Variants in KCNT2 observed in about 807,000 individuals in gnomAD.
KCNT2 encodes potassium sodium-activated channel subfamily T member 2.
In KCNT2, 67 loss-of-function variants were observed where a neutral mutation model predicts 153.8. The observed-to-expected ratio is 0.44, with a 90% CI of 0.36 to 0.53. The LOEUF is 0.53. Among genes scored for constraint, KCNT2 ranks in the 20% least tolerant of loss-of-function variants. The pLI, the probability that KCNT2 is intolerant of heterozygous loss-of-function variation, is 0.00. For synonymous variants in KCNT2, 500 were observed against 458.8 expected (o/e 1.09, Z -1.15); for missense variants, 975 against 1,354.8 (o/e 0.72, Z 4.40).
rs532845595 is a variant in KCNT2, at chr1:196,350,229, A to G, written c.1404-8001T>C. Among the ~76,000 whole-genome samples the G allele has an allele frequency of 5.1e-3, 769 of 152,246 alleles. 5 individuals carry two copies. The highest frequency in any genetic ancestry group is 0.016 in the African/African-American group (672 of 41,556). On this transcript the variant is annotated intron_variant, in intron 14 of 27. Coordinates refer to ENST00000294725, the MANE Select transcript of KCNT2 (RefSeq NM_198503.5). Reference sequence around the variant, plus strand: ...TCCTTTGGGTATATACCCAGTAATGAGATGGCTGGGTCAAACGGTATTTCT... The same window carrying G: ...TCCTTTGGGTATATACCCAGTAATGGGATGGCTGGGTCAAACGGTATTTCT...
chr1:196,276,759 T>C (rs1658607923), intron 25 of KCNT2, among the ~76,000 whole-genome samples: 1 of 152,126 alleles, frequency 6.6e-6, no homozygotes, highest in Non-Finnish European at 1.5e-5. Flanking sequence ...AAAAATCTAA[T>C]TTGAAAATAA....
intron 1 of KCNT2, among the ~76,000 whole-genome samples, chr1:196,559,388 C>T (rs1659088635): frequency 6.6e-6 from 1 of 151,642 alleles, no homozygotes; most frequent in Non-Finnish European, 1.5e-5. Context: ...TAGGCCATTC[C>T]TCCAATTTTG....
intron 1 of KCNT2, among the ~76,000 whole-genome samples, chr1:196,544,088 C>G (rs1162983421): frequency 3.3e-5 from 5 of 152,218 alleles, no homozygotes; most frequent in African/African-American, 1.2e-4. Context: ...ACAGCAACAA[C>G]TGAAGTAACT....
chr1:196,361,167 G>C (rs865959899), intron 14 of KCNT2, among the ~76,000 whole-genome samples: 25 of 151,830 alleles, frequency 1.6e-4, no homozygotes, highest in African/African-American at 6.0e-4. Context: ...AGCCAGATAA[G>C]AATCACCACA....
At chr1:196,565,222 G>A (rs1366669384) in intron 1 of KCNT2, among the ~76,000 whole-genome samples, 1 of 151,450 alleles carries the variant, frequency 6.6e-6, no homozygotes, top group Non-Finnish European at 1.5e-5. Flanking sequence ...TTAGAGAAAT[G>A]CAAATTAAAA....
At chr1:196,480,225 T>C (rs1265454209) in intron 4 of KCNT2, among the ~76,000 whole-genome samples, 2 of 152,138 alleles carry the variant, frequency 1.3e-5, no homozygotes, top group Non-Finnish European at 2.9e-5. Context: ...GGTAAATATA[T>C]ATGTTTATAG....
At chr1:196,231,467 C>T (rs192159651) in intron 27 of KCNT2, among the ~76,000 whole-genome samples, 18 of 151,280 alleles carry the variant, frequency 1.2e-4, no homozygotes, top group East Asian at 5.8e-4. Context: ...GACTCCTGTC[C>T]GGCAGAAGAT....
intron 8 of KCNT2, among the ~76,000 whole-genome samples, chr1:196,451,963 TTA>T: frequency 6.6e-6 from 1 of 152,034 alleles, no homozygotes; most frequent in South Asian, 2.1e-4. Context: ...CTCAGATAAT[TTA>T]GTTCTTTTTT....
At chr1:196,514,771 CT>C (rs1161170000) in intron 1 of KCNT2, among the ~76,000 whole-genome samples, 1 of 152,008 alleles carries the variant, frequency 6.6e-6, no homozygotes, top group Non-Finnish European at 1.5e-5. Context: ...TTTTTTGATG[CT>C]TTTCATATAC....
chr1:196,470,849 C>A (rs1678029737), intron 5 of KCNT2, among the ~76,000 whole-genome samples: 1 of 148,512 alleles, frequency 6.7e-6, no homozygotes, highest in Admixed American at 6.8e-5. Flanking sequence ...TAAATTTTTG[C>A]ATATATTGAC....
chr1:196,537,777 C>G (rs1655780027), intron 1 of KCNT2, among the ~76,000 whole-genome samples: 1 of 152,226 alleles, frequency 6.6e-6, no homozygotes, highest in Admixed American at 6.5e-5. Context: ...TTGATTGTCT[C>G]TCAGTCCGAA....
chr1:196,397,583 A>G (rs970793702), intron 13 of KCNT2, among the ~76,000 whole-genome samples: 2 of 151,468 alleles, frequency 1.3e-5, no homozygotes, highest in South Asian at 4.1e-4. Flanking sequence ...GTTGGAAGCT[A>G]TTACTTTAAA....
At chr1:196,490,548 C>T (rs773470714) in intron 2 of KCNT2, among the ~76,000 whole-genome samples, 7 of 149,206 alleles carry the variant, frequency 4.7e-5, no homozygotes, top group Admixed American at 6.7e-5. Context: ...AACACACACA[C>T]GATCAATCTC....
chr1:196,333,398 T>C (rs1367934592), intron 17 of KCNT2, among the ~76,000 whole-genome samples: 1 of 152,156 alleles, frequency 6.6e-6, no homozygotes, highest in Non-Finnish European at 1.5e-5. Context: ...ATGAAAGTGC[T>C]GAACACTGAG....
intron 22 of KCNT2, among the ~76,000 whole-genome samples, chr1:196,302,294 T>C (rs1661254434): frequency 6.6e-6 from 1 of 152,148 alleles, no homozygotes; most frequent in Admixed American, 6.5e-5. Flanking sequence ...AAATACTGTG[T>C]TAGCTGTCAT....
intron 7 of KCNT2, among the ~76,000 whole-genome samples, chr1:196,466,788 T>C (rs1342529751): frequency 6.6e-6 from 1 of 152,010 alleles, no homozygotes; most frequent in Admixed American, 6.6e-5. Context: ...TTAACATTTG[T>C]GGTATGAATG....
chr1:196,504,052 C>T (rs1680914971), intron 1 of KCNT2, among the ~76,000 whole-genome samples: 1 of 152,118 alleles, frequency 6.6e-6, no homozygotes, highest in African/African-American at 2.4e-5. Flanking sequence ...TATAATTTCA[C>T]TTAATACAAA....
chr1:196,284,512 G>T (rs1659474201), intron 23 of KCNT2, among the ~76,000 whole-genome samples: 1 of 151,108 alleles, frequency 6.6e-6, no homozygotes, highest in African/African-American at 2.4e-5. Flanking sequence ...AAAACTACTG[G>T]TGCATAATGG....
chr1:196,243,738 TC>T (rs1655170039), intron 26 of KCNT2, among the ~76,000 whole-genome samples: 1 of 152,146 alleles, frequency 6.6e-6, no homozygotes, highest in Non-Finnish European at 1.5e-5. Flanking sequence ...GCTCTGGGGT[TC>T]TAAATAAACT....
Sources: gnomAD v4.1 joint callset for allele counts (sites outside exome capture counted in the v4.1 genomes callset) on GRCh38, gnomAD v4.1.1 for gene constraint, MANE v1.5 for transcripts, NCBI Gene and HGNC (gene_info 2026-07-23, HGNC 2026-07-21) for gene names.